DOCK3: variants seen among roughly 807,000 people sequenced by gnomAD.
DOCK3 encodes dedicator of cytokinesis 3.
In DOCK3, 60 loss-of-function variants were observed where a neutral mutation model predicts 265.6. The ratio of observed to expected loss-of-function variants is 0.23; its 90% CI spans 0.18 to 0.28. The LOEUF is 0.28. Ranked by LOEUF, DOCK3 falls within the 10% of genes least tolerant of loss-of-function variation. DOCK3 has a pLI of 1.00. For missense variants in DOCK3, 1,981 were observed against 2,594.3 expected (o/e 0.76, Z 5.14); for synonymous variants, 881 against 938.0 (o/e 0.94, Z 1.11).
chr3:51,345,170 T>C (rs7642077), intron 38 of DOCK3, among the ~76,000 whole-genome samples: 5,225 of 152,280 alleles, frequency 0.034, 326 homozygotes, highest in African/African-American at 0.12. Flanking sequence ...GACCCTGTTG[T>C]GGGTCCATTG....
chr3:50,764,676 A>G (rs2040751045), intron 1 of DOCK3, among the ~76,000 whole-genome samples: 1 of 152,182 alleles, frequency 6.6e-6, no homozygotes, highest in South Asian at 2.1e-4. Context: ...CAGTATGATG[A>G]CACATACCTG....
At chr3:50,705,265 C>A (rs1400949415) in intron 1 of DOCK3, among the ~76,000 whole-genome samples, 1 of 152,062 alleles carries the variant, frequency 6.6e-6, no homozygotes, top group Non-Finnish European at 1.5e-5. Flanking sequence ...CCACCCAAAT[C>A]TCATCTTGAA....
Position 51,053,074 on chromosome 3 carries a change from CAA to C in DOCK3, c.316-11372_316-11371del, listed in dbSNP as rs1491226482. Among the ~76,000 whole-genome samples the C allele has an allele frequency of 5.1e-3, 178 of 34,638 alleles. 1 individual carries two copies. The highest frequency in any genetic ancestry group is 8.2e-3 in the Non-Finnish European group (145 of 17,636). 22.7% of individuals were successfully genotyped at this position (34,638 alleles called of 152,430 possible). On this transcript the variant is annotated intron_variant, in intron 5 of 52. Transcript: ENST00000266037. The stretch of plus-strand genomic sequence containing the variant: ...ATTCAGTTTCATCTTTTAAAAAAGT[CAA>C]AGATATATATATATATATATATATA...
At chr3:50,921,230 T>C (rs1464842241) in intron 4 of DOCK3, among the ~76,000 whole-genome samples, 5 of 152,190 alleles carry the variant, frequency 3.3e-5, no homozygotes, top group African/African-American at 1.2e-4. Flanking sequence ...CCCATATTTA[T>C]TGGAGGCTTT....
intron 9 of DOCK3, among the ~76,000 whole-genome samples, chr3:51,128,321 G>A (rs1454597693): frequency 2.6e-5 from 4 of 152,156 alleles, no homozygotes; most frequent in South Asian, 4.1e-4. Flanking sequence ...GAGCATACAT[G>A]GCCTTCTAGA....
chr3:51,018,288 T>G (rs1213370729), intron 5 of DOCK3, among the ~76,000 whole-genome samples: 1 of 151,742 alleles, frequency 6.6e-6, no homozygotes, highest in Non-Finnish European at 1.5e-5. Flanking sequence ...TGTAATTTTG[T>G]TTTTTTCCTA....
chr3:50,763,586 A>G (rs549739644), intron 1 of DOCK3, among the ~76,000 whole-genome samples: 2 of 151,986 alleles, frequency 1.3e-5, no homozygotes, highest in African/African-American at 4.8e-5. Flanking sequence ...CCTGGCCTCT[A>G]TTTCTTCTTG....
intron 5 of DOCK3, among the ~76,000 whole-genome samples, chr3:51,017,481 G>A (rs562519361): frequency 2.0e-5 from 3 of 151,666 alleles, no homozygotes; most frequent in South Asian, 4.2e-4. Context: ...TCTTCTTTTA[G>A]ACATGGGTAC....
At chr3:51,371,308 A>G (rs1373976550) in intron 49 of DOCK3, among the ~76,000 whole-genome samples, 2 of 152,228 alleles carry the variant, frequency 1.3e-5, no homozygotes, top group Non-Finnish European at 2.9e-5. Flanking sequence ...AAGTGCAAAA[A>G]TAAACAAAAT....
At position 51,361,884 on chromosome 3, in the gene DOCK3, C is replaced by T. The variant is rs890186802; in HGVS notation, c.5032C>T (p.Arg1678Cys). Reference sequence around the variant, plus strand: ...CCCCATGAACTTGATGGGCACAGGCCGCCATTCATCATCCTCTCTCTCCTC... The same window carrying T: ...CCCCATGAACTTGATGGGCACAGGCTGCCATTCATCATCCTCTCTCTCCTC... ...HSPMNLMGTG[R>C]HSSSSLSSHA... Residue 1678 changes from arginine to cysteine, a missense_variant, in exon 48 of 53, where the codon CGC (arginine) becomes TGC (cysteine). Around this residue, in one of 4 missense-constraint regions of DOCK3, gnomAD observed 1,357 missense variants for 1,866.8 expected, o/e 0.73. Transcript: ENST00000266037. The surrounding 1 kb of genome is among the most constrained non-coding windows in gnomAD (Gnocchi z 4.2). 14 of 1,613,196 alleles carry T rather than the reference C, an allele frequency of 8.7e-6. No individual in the cohort carries two copies. Among genetic ancestry groups the T allele is most frequent in the South Asian group, 6.6e-5 (6 of 90,856 alleles).
At chr3:51,371,416 T>C (rs1162060303) in intron 49 of DOCK3, among the ~76,000 whole-genome samples, 1 of 152,196 alleles carries the variant, frequency 6.6e-6, no homozygotes, top group East Asian at 1.9e-4. Context: ...ATACCATCCA[T>C]GTGCAGGCTC....
chr3:50,861,296 TC>T (rs1208239394), intron 3 of DOCK3, among the ~76,000 whole-genome samples: 1 of 152,162 alleles, frequency 6.6e-6, no homozygotes, highest in East Asian at 1.9e-4. Flanking sequence ...CCCCTTTTGT[TC>T]CTGTGAGAGC....
At chr3:51,051,204 A>G (rs1004877580) in intron 5 of DOCK3, among the ~76,000 whole-genome samples, 6 of 152,358 alleles carry the variant, frequency 3.9e-5, no homozygotes, top group Non-Finnish European at 7.3e-5. Flanking sequence ...AAAGGGATAT[A>G]TAAGTAAATT....
Position 51,228,007 on chromosome 3 carries a change from C to G in DOCK3, c.1566C>G (p.Leu522=). Residue 522 remains leucine (L), a synonymous_variant, in exon 17 of 53, where the codon CTC becomes CTG. Transcript: ENST00000266037. The stretch of plus-strand genomic sequence containing the variant: ...CAAAGGACAAAGGGGAAAAGAAACT[C>G]TTTGGCTTTGCATTCTCAACCCTGA... ...CSTKDKGEKK[L]FGFAFSTLMR... 1.2e-6 allele frequency: 2 copies of G among 1,614,024 alleles called. No homozygotes were observed. The highest frequency in any genetic ancestry group is 1.1e-5 in the South Asian group (1 of 91,082).
chr3:50,706,427 C>T (rs1167314080), intron 1 of DOCK3, among the ~76,000 whole-genome samples: 1 of 152,142 alleles, frequency 6.6e-6, no homozygotes. Context: ...CTATTCTCTC[C>T]AGGCCTGTGA....
At chr3:50,980,725 G>A (rs2077659677) in intron 5 of DOCK3, among the ~76,000 whole-genome samples, 1 of 151,794 alleles carries the variant, frequency 6.6e-6, no homozygotes, top group South Asian at 2.1e-4. Context: ...GTTTTCTGTA[G>A]GTTTTCTAAT....
At chr3:50,898,251 C>A (rs1015809139) in intron 4 of DOCK3, among the ~76,000 whole-genome samples, 8 of 151,958 alleles carry the variant, frequency 5.3e-5, no homozygotes, top group Admixed American at 4.6e-4. Context: ...TCTAGATTTT[C>A]TAGTTTATTT....
At chr3:51,028,777 T>C (rs572550510) in intron 5 of DOCK3, among the ~76,000 whole-genome samples, 2 of 152,326 alleles carry the variant, frequency 1.3e-5, no homozygotes, top group African/African-American at 4.8e-5. Context: ...TGTTTGGTTC[T>C]TTTTTTAATA....
chr3:50,767,961 A>G (rs2041010457), intron 1 of DOCK3, among the ~76,000 whole-genome samples: 1 of 152,076 alleles, frequency 6.6e-6, no homozygotes, highest in African/African-American at 2.4e-5. Flanking sequence ...TTGCACATTG[A>G]GTTTATATCC....
Sources: gnomAD v4.1 joint callset for allele counts (sites outside exome capture counted in the v4.1 genomes callset) on GRCh38, gnomAD v4.1.1 for gene constraint, gnomAD v4.1.1 regional missense constraint, Gnocchi (gnomAD v3.1) non-coding constraint, MANE v1.5 for transcripts, NCBI Gene and HGNC (gene_info 2026-07-23, HGNC 2026-07-21) for gene names.